Variants in SHC4 observed in about 807,000 individuals in gnomAD.
The protein encoded by SHC4 is SHC-transforming protein 4.
SHC4 carries 41 observed loss-of-function variants against 69.4 expected under a neutral mutation model. The ratio of observed to expected loss-of-function variants is 0.59; its 90% CI spans 0.46 to 0.77. The LOEUF (loss-of-function observed/expected upper bound fraction) is 0.77, where lower values mean the gene tolerates loss of function less well. SHC4 is among the 30% of genes least tolerant of loss of function. The probability of loss-of-function intolerance (pLI) is 0.00; values close to 1 mark genes in which losing one functional copy is unlikely to be tolerated. For synonymous variants in SHC4, 318 were observed against 299.3 expected (o/e 1.06, Z -0.64); for missense variants, 777 against 783.8 (o/e 0.99, Z 0.10).
intron 1 of SHC4, among the ~76,000 whole-genome samples, chr15:48,934,387 A>G (rs1232508747): frequency 6.6e-6 from 1 of 152,202 alleles, no homozygotes; most frequent in African/African-American, 2.4e-5. Context: ...ACAGTGAGGT[A>G]CAACTTCACA....
At chr15:48,826,692 T>C (rs1476737183) in intron 11 of SHC4, among the ~76,000 whole-genome samples, 1 of 152,220 alleles carries the variant, frequency 6.6e-6, no homozygotes, top group Non-Finnish European at 1.5e-5. Flanking sequence ...TCACTATCTC[T>C]ATAACTATTT....
At chr15:48,919,187 C>T (rs975815661) in intron 2 of SHC4, among the ~76,000 whole-genome samples, 5 of 152,088 alleles carry the variant, frequency 3.3e-5, no homozygotes, top group South Asian at 2.1e-4. Context: ...AAAATTTGAT[C>T]CTCCCCTCCA....
intron 9 of SHC4, among the ~76,000 whole-genome samples, chr15:48,845,682 A>T (rs1054052520): frequency 1.9e-4 from 29 of 152,176 alleles, no homozygotes; most frequent in African/African-American, 7.0e-4. Flanking sequence ...AAATGTTCAA[A>T]TTATCAGGAA....
intron 7 of SHC4, among the ~76,000 whole-genome samples, chr15:48,856,595 G>T (rs902712549): frequency 5.9e-5 from 9 of 152,020 alleles, no homozygotes; most frequent in African/African-American, 1.9e-4. Context: ...GAGAGCTATG[G>T]CCAGCTATCT....
intron 4 of SHC4, chr15:48,878,847 C>CAAAAAAAAA: frequency 8.8e-7 from 1 of 1,142,356 alleles, no homozygotes; most frequent in South Asian, 1.7e-5. Context: ...ACTTGACCTT[C>CAAAAAAAAA]AAAAAAATTT....
chr15:48,872,885 A>G (rs1224343598), intron 4 of SHC4, among the ~76,000 whole-genome samples: 2 of 152,222 alleles, frequency 1.3e-5, no homozygotes, highest in Admixed American at 6.5e-5. Context: ...CTGTCATGCT[A>G]TTTTGAAGGT....
chr15:48,943,173 G>C (rs59160171), intron 1 of SHC4, among the ~76,000 whole-genome samples: 3,573 of 152,130 alleles, frequency 0.023, 155 homozygotes, highest in African/African-American at 0.082. Flanking sequence ...ACTAACAATA[G>C]TCCTCATGCT....
chr15:48,894,062 C>G (rs1900181140), intron 2 of SHC4, among the ~76,000 whole-genome samples: 1 of 152,172 alleles, frequency 6.6e-6, no homozygotes, highest in Non-Finnish European at 1.5e-5. Context: ...AGTAAGAAAC[C>G]AACCCGAAGT....
chr15:48,865,357 A>G (rs1009575301), intron 6 of SHC4, among the ~76,000 whole-genome samples: 3 of 152,214 alleles, frequency 2.0e-5, no homozygotes, highest in Admixed American at 6.5e-5. Flanking sequence ...CTATATGAGA[A>G]AGAACGAGGA....
In SHC4 at chr15:48,962,848, C is replaced by G. The variant is rs140544292; in HGVS notation, c.168G>C (p.Pro56=). ...GTGCCAGGGCGGGGTGGGGAGGCTG[C>G]GGCGAGCCCTTGTTCCCGACCGAGC... The part of the protein sequence containing the change: ...SGGSVGNKGS[P]QPPHPALAPH... The change falls in exon 1 of 12, where the codon CCG becomes CCC. Residue 56 remains proline (P), a synonymous_variant. Transcript: ENST00000332408. 20 of 1,612,708 alleles carry G rather than the reference C, an allele frequency of 1.2e-5. No homozygotes were observed. In the Admixed American group the frequency reaches 3.3e-4, roughly 27 times the overall value.
chr15:48,949,843 A>G (rs1245063599), intron 1 of SHC4, among the ~76,000 whole-genome samples: 2 of 146,052 alleles, frequency 1.4e-5, no homozygotes, highest in African/African-American at 2.5e-5. Flanking sequence ...ATTATGTAAT[A>G]TTTATATATT....
chr15:48,927,995 G>A (rs563616593), intron 1 of SHC4, among the ~76,000 whole-genome samples: 2 of 152,110 alleles, frequency 1.3e-5, no homozygotes, highest in Admixed American at 6.6e-5. Flanking sequence ...GTGGGCACTC[G>A]ATAAACACTT....
At chr15:48,906,980 C>G (rs916130572) in intron 2 of SHC4, among the ~76,000 whole-genome samples, 1 of 152,194 alleles carries the variant, frequency 6.6e-6, no homozygotes, top group African/African-American at 2.4e-5. Context: ...ACCACAGGAT[C>G]TCACTTTAGT....
intron 2 of SHC4, among the ~76,000 whole-genome samples, chr15:48,913,901 G>A (rs2141018323): frequency 6.6e-6 from 1 of 152,332 alleles, no homozygotes; most frequent in South Asian, 2.1e-4. Flanking sequence ...GTTCAGGAGA[G>A]GAGGGTCTCC....
intron 6 of SHC4, among the ~76,000 whole-genome samples, chr15:48,866,948 A>G (rs1899572778): frequency 6.6e-6 from 1 of 152,222 alleles, no homozygotes; most frequent in African/African-American, 2.4e-5. Context: ...CTAAATCCTG[A>G]AACAAGAATT....
At chr15:48,872,385 A>G (rs1899695603) in intron 4 of SHC4, among the ~76,000 whole-genome samples, 1 of 152,232 alleles carries the variant, frequency 6.6e-6, no homozygotes, top group African/African-American at 2.4e-5. Flanking sequence ...AGCCAATCAG[A>G]AAATACCATC....
chr15:48,841,771 G>A (rs1898992769), intron 10 of SHC4, among the ~76,000 whole-genome samples: 1 of 152,148 alleles, frequency 6.6e-6, no homozygotes, highest in African/African-American at 2.4e-5. Flanking sequence ...CTTAGCATCT[G>A]CTTCCAGAGA....
chr15:48,865,183 A>G lies in SHC4; in HGVS notation c.946+2635T>C, dbSNP rs1899536192. 2.0e-5 allele frequency among the ~76,000 whole-genome samples: 3 copies of G among 152,164 alleles called. 1 individual carries two copies. The South Asian group carries it at 6.2e-4, about 31-fold the overall frequency. ...ATGGTGGGATTTTCCTTCCATAATC[A>G]TTAATAATTATTTGTGTATTCAAAA... On this transcript the variant is annotated intron_variant, in intron 6 of 11. Transcript: ENST00000332408.
At chr15:48,835,727 G>A (rs1898886361) in intron 10 of SHC4, among the ~76,000 whole-genome samples, 1 of 152,148 alleles carries the variant, frequency 6.6e-6, no homozygotes. Flanking sequence ...GGGATGGGAA[G>A]GGACCTCCAG....
Sources: allele counts gnomAD v4.1 joint callset (sites outside exome capture counted in the v4.1 genomes callset), GRCh38; gene constraint gnomAD v4.1.1; transcripts MANE v1.5; gene names NCBI Gene and HGNC (gene_info 2026-07-23, HGNC 2026-07-21).